Variants in DYNC2I1 observed in about 807,000 individuals in gnomAD.
DYNC2I1 encodes cytoplasmic dynein 2 intermediate chain 1.
Under a neutral mutation model 133.4 loss-of-function variants are expected in DYNC2I1, and 89 were observed. The observed-to-expected ratio is 0.67, with a 90% CI of 0.56 to 0.80. The LOEUF (loss-of-function observed/expected upper bound fraction) is 0.80, where lower values mean the gene tolerates loss of function less well. DYNC2I1 is among the 30% of genes least tolerant of loss of function. DYNC2I1 has a pLI of 0.00. For synonymous variants in DYNC2I1, 504 were observed against 484.3 expected (o/e 1.04, Z -0.54); for missense variants, 1,291 against 1,314.5 (o/e 0.98, Z 0.28).
intron 6 of DYNC2I1, among the ~76,000 whole-genome samples, chr7:158,886,656 T>C (rs1367130723): frequency 1.3e-5 from 2 of 152,208 alleles, no homozygotes; most frequent in Non-Finnish European, 2.9e-5. Flanking sequence ...CAGGCTGTAG[T>C]GCAGTGGCAC....
chr7:158,949,210 T>G (rs982832844), downstream of DYNC2I1, among the ~76,000 whole-genome samples: 1 of 152,250 alleles, frequency 6.6e-6, no homozygotes, highest in South Asian at 2.1e-4. Context: ...CAAAATGTAA[T>G]TTCGCCAGAA....
chr7:158,891,426 C>T (rs2129482390), intron 8 of DYNC2I1, 93 bp downstream of exon 8: 3 of 1,363,244 alleles, frequency 2.2e-6, no homozygotes, highest in Non-Finnish European at 3.1e-6. Context: ...TTTGCTAGTG[C>T]AATTATTGTC....
At chr7:158,913,420 CTG>C (rs1181459213) in intron 13 of DYNC2I1, among the ~76,000 whole-genome samples, 1 of 152,140 alleles carries the variant, frequency 6.6e-6, no homozygotes, top group Non-Finnish European at 1.5e-5. Flanking sequence ...TTGAAGCACA[CTG>C]TGTTTTTAAC....
intron 20 of DYNC2I1, among the ~76,000 whole-genome samples, chr7:158,928,510 G>A (rs992332155): frequency 3.9e-5 from 6 of 152,194 alleles, no homozygotes; most frequent in African/African-American, 1.4e-4. Flanking sequence ...CAAGTTTACT[G>A]TTGATTCTGA....
intron 7 of DYNC2I1, 67 bp downstream of exon 7, chr7:158,887,142 T>G: frequency 6.5e-7 from 1 of 1,538,380 alleles, no homozygotes; most frequent in African/African-American, 1.4e-5. Context: ...AATCTTACTT[T>G]GGGCTTCCCC....
chr7:158,944,422 G>A (rs2527199), intron 24 of DYNC2I1, among the ~76,000 whole-genome samples: 101,017 of 152,052 alleles, frequency 0.66, 33,889 homozygotes, highest in Non-Finnish European at 0.71. Flanking sequence ...TTATTTGCCC[G>A]GTGTCAGGGA....
chr7:158,911,186 A>G (rs2129484675), intron 11 of DYNC2I1, among the ~76,000 whole-genome samples: 1 of 152,346 alleles, frequency 6.6e-6, no homozygotes, highest in Middle Eastern at 3.4e-3. Flanking sequence ...CATAGTCAGT[A>G]TGTCAGCTCC....
rs1847642909 is a variant in DYNC2I1 at position 158,913,005 on chromosome 7, A to G, written c.1611A>G (p.Glu537=). The stretch of plus-strand genomic sequence containing the variant: ...TTAAGGCATATGTTCAGTGTAACGA[A>G]GATAATGTTGAAAGAGACATTCAAA... ...NTKQAYVQCN[E]DNVERDIQTE... is the part of the protein sequence containing the mutation. Residue 537 remains glutamate (E), a synonymous_variant, in exon 13 of 25, where the codon GAA becomes GAG. Transcript: ENST00000407559. 23 of 1,612,682 alleles carry G rather than the reference A, an allele frequency of 1.4e-5. No individual in the cohort carries two copies. Among genetic ancestry groups the G allele is most frequent in the Non-Finnish European group, 2.0e-5 (23 of 1,179,388 alleles).
chr7:158,908,758 G>A (rs929480767), intron 11 of DYNC2I1, among the ~76,000 whole-genome samples: 4 of 152,148 alleles, frequency 2.6e-5, no homozygotes, highest in East Asian at 3.9e-4. Context: ...CTGGGCGGTC[G>A]GGAGCTGGAG....
At chr7:158,891,143 C>A in intron 7 of DYNC2I1, 122 bp from the exon 8 acceptor site, 2 of 1,024,680 alleles carry the variant, frequency 2.0e-6, no homozygotes, top group Non-Finnish European at 3.1e-6. Flanking sequence ...GTTTCGTAGT[C>A]TGTGCACCTG....
intron 23 of DYNC2I1, among the ~76,000 whole-genome samples, chr7:158,935,371 T>C (rs2129487999): frequency 6.6e-6 from 1 of 152,320 alleles, no homozygotes; most frequent in African/African-American, 2.4e-5. Flanking sequence ...GAAGGCAAAA[T>C]ATTAAACAAC....
chr7:158,842,915 C>T, the DYNC2I1 span, among the ~76,000 whole-genome samples: 1 of 152,304 alleles, frequency 6.6e-6, no homozygotes, highest in East Asian at 1.9e-4. Flanking sequence ...AATCAAAGCA[C>T]AGAGTATTAG....
At chr7:158,949,572 C>T (rs1851991575), downstream of DYNC2I1, among the ~76,000 whole-genome samples, 1 of 152,184 alleles carries the variant, frequency 6.6e-6, no homozygotes, top group Non-Finnish European at 1.5e-5. Context: ...CGAATCATCG[C>T]ACAGCAGCAA....
At chr7:158,901,844 AG>A (rs1383201448) in intron 9 of DYNC2I1, 28 bp downstream of exon 9, 7 of 1,458,842 alleles carry the variant, frequency 4.8e-6, no homozygotes, top group Non-Finnish European at 6.5e-6. Flanking sequence ...AACTTTCCTT[AG>A]CTTAAAAATC....
At chr7:158,880,608 C>T (rs1027502405) in intron 5 of DYNC2I1, among the ~76,000 whole-genome samples, 7 of 152,004 alleles carry the variant, frequency 4.6e-5, no homozygotes, top group African/African-American at 1.7e-4. Context: ...GAAGCTGGTA[C>T]GTTTTAAAGT....
intron 15 of DYNC2I1, among the ~76,000 whole-genome samples, chr7:158,920,227 G>A (rs567201757): frequency 7.3e-5 from 11 of 149,822 alleles, no homozygotes; most frequent in African/African-American, 2.5e-4. Context: ...ATACTGCAGC[G>A]CCGGGCCTCC....
At chr7:158,849,621 C>T in the DYNC2I1 span, among the ~76,000 whole-genome samples, 6 of 152,200 alleles carry the variant, frequency 3.9e-5, no homozygotes, top group African/African-American at 7.2e-5. Flanking sequence ...GTTCTCACAG[C>T]GAGGAGGCCC....
chr7:158,953,986 T>C (rs968836553), intron 4 of DYNC2I1, among the ~76,000 whole-genome samples: 6 of 152,162 alleles, frequency 3.9e-5, no homozygotes, highest in African/African-American at 1.4e-4. Context: ...GTATCTCCTG[T>C]AATCCCCACG....
chr7:158,891,642 G>A (rs1243147562), intron 8 of DYNC2I1, among the ~76,000 whole-genome samples: 3 of 152,152 alleles, frequency 2.0e-5, no homozygotes, highest in African/African-American at 4.8e-5. Flanking sequence ...AGAAATTGGA[G>A]GGAAGAGGTT....
Sources: gnomAD v4.1 joint callset for allele counts (sites outside exome capture counted in the v4.1 genomes callset) on GRCh38, gnomAD v4.1.1 for gene constraint, MANE v1.5 for transcripts, NCBI Gene and HGNC (gene_info 2026-07-23, HGNC 2026-07-21) for gene names.